Variants in TRIM67 observed in about 807,000 individuals in gnomAD.
TRIM67 encodes tripartite motif-containing protein 67.
A neutral mutation model predicts 71.0 loss-of-function variants in TRIM67; 39 were observed. That is an observed-to-expected ratio of 0.55 (90% CI 0.43 to 0.72). The LOEUF is 0.72. Ranked by LOEUF, TRIM67 falls within the 30% of genes least tolerant of loss-of-function variation. TRIM67 has a pLI of 0.00. For synonymous variants in TRIM67, 481 were observed against 473.9 expected (o/e 1.01, Z -0.19); for missense variants, 973 against 1,079.2 (o/e 0.90, Z 1.38).
chr1:231,164,451 AAG>A (rs1249179315), intron 1 of TRIM67, among the ~76,000 whole-genome samples: 20 of 152,178 alleles, frequency 1.3e-4, no homozygotes, highest in African/African-American at 4.6e-4. Context: ...TACTGCGAGA[AAG>A]AGAGGAGCCA....
chr1:231,195,912 CCA>C (rs1571890414), intron 1 of TRIM67, among the ~76,000 whole-genome samples: 1 of 152,226 alleles, frequency 6.6e-6, no homozygotes, highest in East Asian at 1.9e-4. Flanking sequence ...TGGTCTAGAA[CCA>C]CACTTTGACA....
intron 4 of TRIM67, among the ~76,000 whole-genome samples, chr1:231,200,805 G>A (rs149689419): frequency 6.6e-6 from 1 of 152,246 alleles, no homozygotes; most frequent in East Asian, 1.9e-4. Flanking sequence ...ACCCTGGCTC[G>A]ACAGGGACAC....
intron 1 of TRIM67, among the ~76,000 whole-genome samples, chr1:231,180,164 A>G (rs1433221948): frequency 6.6e-6 from 1 of 152,224 alleles, no homozygotes; most frequent in Non-Finnish European, 1.5e-5. Flanking sequence ...AGTTTATCCT[A>G]TGTGTCAACA....
chr1:231,214,485 A>G (rs2102766453), intron 9 of TRIM67, among the ~76,000 whole-genome samples: 1 of 152,244 alleles, frequency 6.6e-6, no homozygotes, highest in African/African-American at 2.4e-5. Flanking sequence ...AACCTAAAAG[A>G]TAGGCTTATG....
In TRIM67 at chr1:231,163,584, G is replaced by C. The variant is rs549013286; in HGVS notation, c.615G>C (p.Val205=). 65 of 1,516,004 alleles carry C rather than the reference G, an allele frequency of 4.3e-5. No individual in the cohort carries two copies. Among genetic ancestry groups the C allele is most frequent in the East Asian group, 3.7e-4 (14 of 37,998 alleles). The allele number at this position is 1,516,004 out of a possible 1,614,324, so 93.9% of individuals were successfully genotyped here. A position where few individuals can be genotyped will look rare whatever the true frequency, so the allele number is the denominator to read the frequency against. The part of the protein sequence containing the change: ...AVPGTSAAAA[V]AICQLCDRTP... ...CGGGGACGTCTGCAGCCGCGGCGGT[G>C]GCCATCTGCCAGCTGTGCGACCGCA... The change falls in exon 1 of 10, where the codon GTG becomes GTC. Residue 205 remains valine (V), a synonymous_variant. Transcript: ENST00000366653.
At chr1:231,184,665 T>G in intron 1 of TRIM67, 1 of 302,088 alleles carries the variant, frequency 3.3e-6, no homozygotes, top group African/African-American at 2.2e-5. Flanking sequence ...TGGGATACTG[T>G]TATAGAGGAT....
At chr1:231,198,368 T>G (rs1683426556) in intron 2 of TRIM67, among the ~76,000 whole-genome samples, 1 of 151,948 alleles carries the variant, frequency 6.6e-6, no homozygotes, top group Non-Finnish European at 1.5e-5. Flanking sequence ...CATTAACATA[T>G]CTGGAGGAAT....
At chr1:231,182,044 T>C (rs1682920426) in intron 1 of TRIM67, among the ~76,000 whole-genome samples, 1 of 152,170 alleles carries the variant, frequency 6.6e-6, no homozygotes, top group Non-Finnish European at 1.5e-5. Flanking sequence ...CTCTAGTAGG[T>C]TACCCCAAAG....
chr1:231,185,506 C>T (rs1415636540), intron 1 of TRIM67, among the ~76,000 whole-genome samples: 2 of 151,812 alleles, frequency 1.3e-5, no homozygotes, highest in Non-Finnish European at 2.9e-5. Context: ...GGGGAGGCCA[C>T]ATCGAGAGTG....
intron 5 of TRIM67, 128 bp downstream of exon 5, chr1:231,201,645 G>T (rs902313787): frequency 4.1e-6 from 5 of 1,207,252 alleles, no homozygotes; most frequent in Non-Finnish European, 5.7e-6. Flanking sequence ...GAGCAGGAGC[G>T]CCAGAGTCAC....
rs953667373 is a variant in TRIM67, at chr1:231,216,496, T to C, written c.*1056T>C. The C allele has an allele frequency of 1.0e-6, 1 of 985,496 alleles. No individual in the cohort carries two copies. Among genetic ancestry groups the C allele is most frequent in the Non-Finnish European group, 1.2e-6 (1 of 829,950 alleles). The allele number at this position is 985,496 out of a possible 1,614,324, so 61.0% of individuals were successfully genotyped here. ...CTGAGCTGAACCACTCTCAGACTCA[T>C]AAGCATTTAAAATGGGAGACCCTGG... is the stretch of plus-strand genomic sequence containing the variant. On this transcript the variant is annotated 3_prime_UTR_variant, in exon 10 of 10. Coordinates refer to ENST00000366653, the MANE Select transcript of TRIM67 (RefSeq NM_001004342.5).
rs112491157 is a variant in TRIM67, at chr1:231,202,398, G to T, written c.1534+881G>T. On this transcript the variant is annotated intron_variant, in intron 5 of 9. Transcript: ENST00000366653. ...GGATAGCAAGTCCAAAGTCCCTGAGGCAAGAATCAGTTTTCTCTGTCCCAA... is the reference window on the plus strand; with the variant it reads ...GGATAGCAAGTCCAAAGTCCCTGAGTCAAGAATCAGTTTTCTCTGTCCCAA... Among the ~76,000 whole-genome samples the T allele has an allele frequency of 2.3e-4, 35 of 152,202 alleles. No individual in the cohort carries two copies. In the South Asian group the frequency reaches 7.3e-3, roughly 32 times the overall value.
At position 231,215,417 on chromosome 1, in the gene TRIM67, C is replaced by T. The variant is rs370055401; in HGVS notation, c.2329C>T (p.Arg777Trp). The T allele has an allele frequency of 3.7e-5, 59 of 1,611,174 alleles. No homozygotes were observed. Among genetic ancestry groups the T allele is most frequent in the African/African-American group, 2.5e-4 (19 of 74,866 alleles). ...ATTGGAAGTGCCGACTAACCTGGGG[C>T]GGCCAAAGCTGTCAGGCAATTAGCC... ...TGLEVPTNLG[R>W]PKLSGN Residue 777 changes from arginine (R) to tryptophan (W), a missense_variant, in exon 10 of 10, where the codon CGG (arginine) becomes TGG (tryptophan). Transcript: ENST00000366653.
At chr1:231,173,420 G>A (rs1682663501) in intron 1 of TRIM67, among the ~76,000 whole-genome samples, 1 of 152,154 alleles carries the variant, frequency 6.6e-6, no homozygotes, top group Non-Finnish European at 1.5e-5. Flanking sequence ...GACCTCTTTG[G>A]CAGAAAAGTT....
Position 231,221,115 on chromosome 1 carries a change from A to T in TRIM67, c.*5675A>T, listed in dbSNP as rs1684128749. 1 of 152,276 alleles carries T rather than the reference A, an allele frequency of 6.6e-6. No homozygotes were observed. Among genetic ancestry groups the T allele is most frequent in the Non-Finnish European group, 1.5e-5 (1 of 68,052 alleles). The allele number at this position is 152,276 out of a possible 1,614,324, so 9.4% of individuals were successfully genotyped here. A position where few individuals can be genotyped will look rare whatever the true frequency, so the allele number is the denominator to read the frequency against. ...CATGATGTAGGATTGCTGCGTTGGC[A>T]CTAAGCTGTTGTATTAAGCATGAGA... On this transcript the variant is annotated 3_prime_UTR_variant, in exon 10 of 10. Transcript: ENST00000366653.
intron 1 of TRIM67, among the ~76,000 whole-genome samples, chr1:231,174,666 C>T (rs1321614115): frequency 1.3e-5 from 2 of 152,150 alleles, no homozygotes; most frequent in Non-Finnish European, 2.9e-5. Context: ...AACAGTCTGT[C>T]CCGTCTAATG....
Position 231,215,812 on chromosome 1 carries a change from A to T in TRIM67, c.*372A>T, listed in dbSNP as rs553261037. The T allele has an allele frequency of 1.5e-5, 16 of 1,035,998 alleles. No homozygotes were observed. In the South Asian group the frequency reaches 6.3e-4, roughly 41 times the overall value. 64.2% of individuals were successfully genotyped at this position (1,035,998 alleles called of 1,614,324 possible). ...GAGGGAGAGGAAGGTAGACTTTGAG[A>T]CTGGCCTCCTGAGAGCGGCAGTCAG... is the stretch of plus-strand genomic sequence containing the variant. On this transcript the variant is annotated 3_prime_UTR_variant, in exon 10 of 10. Transcript: ENST00000366653.
At chr1:231,193,246 G>A (rs558446485) in intron 1 of TRIM67, among the ~76,000 whole-genome samples, 1 of 152,280 alleles carries the variant, frequency 6.6e-6, no homozygotes, top group East Asian at 1.9e-4. Flanking sequence ...CTCCTACTTT[G>A]TGCAGCACAG....
intron 1 of TRIM67, among the ~76,000 whole-genome samples, chr1:231,181,957 G>A (rs1360583540): frequency 1.3e-5 from 2 of 152,188 alleles, no homozygotes; most frequent in Admixed American, 6.5e-5. Context: ...TTAAAGGGAT[G>A]GTTTGGGATA....
Sources: gnomAD v4.1 joint callset for allele counts (sites outside exome capture counted in the v4.1 genomes callset) on GRCh38, gnomAD v4.1.1 for gene constraint, MANE v1.5 for transcripts, NCBI Gene and HGNC (gene_info 2026-07-23, HGNC 2026-07-21) for gene names.